E2F3: variants seen among roughly 807,000 people sequenced by gnomAD.
E2F3 encodes the protein E2F transcription factor 3.
A neutral mutation model predicts 44.4 loss-of-function variants in E2F3; 11 were observed. The observed-to-expected ratio is 0.25, with a 90% CI of 0.16 to 0.41. The LOEUF (loss-of-function observed/expected upper bound fraction) is 0.41. E2F3 is among the 10% of genes least tolerant of loss of function. E2F3 has a pLI of 1.00. For missense variants in E2F3, 487 were observed against 583.6 expected, an observed-to-expected ratio of 0.83 and a Z score of 1.70; for synonymous variants, 249 against 253.0, an observed-to-expected ratio of 0.98 and a Z score of 0.15.
chr6:20,492,161 AC>A lies in E2F3; in HGVS notation c.*1732del. ...AAATATCCCTTAGGAAAAAAAAAAA[AC>A]ACACAAAAAACCACAAGAGCCCCAG... On this transcript the variant is annotated 3_prime_UTR_variant, in exon 7 of 7. Coordinates refer to ENST00000346618, the MANE Select transcript of E2F3 (RefSeq NM_001949.5). 2 of 224,670 alleles carry A rather than the reference AC, an allele frequency of 8.9e-6. No individual in the cohort carries two copies. Among genetic ancestry groups the A allele is most frequent in the Non-Finnish European group, 1.8e-5 (2 of 112,722 alleles). 13.9% of individuals were successfully genotyped at this position (224,670 alleles called of 1,614,324 possible).
In E2F3 at chr6:20,435,974, CTTTTTTTTTT is replaced by C. The variant is rs68162662; in HGVS notation, c.393+33362_393+33371del. The stretch of plus-strand genomic sequence containing the variant: ...TAAGATCATACATTAAAGAATTGTC[CTTTTTTTTTT>C]TTTTTTTTTTTTCCAAGACAGAGTC... On this transcript the variant is annotated intron_variant, in intron 1 of 6. Transcript: ENST00000346618. 3.4e-3 allele frequency among the ~76,000 whole-genome samples: 475 copies of C among 140,488 alleles called. 3 individuals are homozygous for C. The highest frequency in any genetic ancestry group is 0.012 in the African/African-American group (396 of 33,842). 92.2% of individuals were successfully genotyped at this position (140,488 alleles called of 152,430 possible). A position where few individuals can be genotyped will look rare whatever the true frequency, so the allele number is the denominator to read the frequency against.
At chr6:20,433,553 A>G (rs1397428368) in intron 1 of E2F3, among the ~76,000 whole-genome samples, 1 of 152,206 alleles carries the variant, frequency 6.6e-6, no homozygotes, top group Non-Finnish European at 1.5e-5. Context: ...CACTTGTTGC[A>G]GCTGTCTTGA....
At chr6:20,431,670 C>A (rs1760405757) in intron 1 of E2F3, among the ~76,000 whole-genome samples, 1 of 152,098 alleles carries the variant, frequency 6.6e-6, no homozygotes, top group South Asian at 2.1e-4. Context: ...TGACCTTCTA[C>A]ACACACTCTT....
intron 6 of E2F3, among the ~76,000 whole-genome samples, chr6:20,489,185 A>G (rs1762486292): frequency 6.6e-6 from 1 of 152,230 alleles, no homozygotes; most frequent in African/African-American, 2.4e-5. Context: ...TTTAATACTG[A>G]GCAAAAGTAC....
chr6:20,438,549 G>A (rs567637315), intron 1 of E2F3, among the ~76,000 whole-genome samples: 84 of 152,244 alleles, frequency 5.5e-4, no homozygotes, highest in Middle Eastern at 3.4e-3. Context: ...AAGACCATAG[G>A]ATATTTAAAC....
At chr6:20,430,167 C>G (rs913563498) in intron 1 of E2F3, among the ~76,000 whole-genome samples, 6 of 152,140 alleles carry the variant, frequency 3.9e-5, no homozygotes, top group Non-Finnish European at 7.4e-5. Context: ...ATGCCAAGTT[C>G]AATTTGAATT....
At chr6:20,417,841 C>T (rs1223947859) in intron 1 of E2F3, among the ~76,000 whole-genome samples, 4 of 151,978 alleles carry the variant, frequency 2.6e-5, no homozygotes, top group South Asian at 2.1e-4. Context: ...AGTCCAGGTT[C>T]GTCTTGGTGG....
chr6:20,419,903 T>C (rs530118381), intron 1 of E2F3, among the ~76,000 whole-genome samples: 6 of 152,324 alleles, frequency 3.9e-5, no homozygotes, highest in Non-Finnish European at 8.8e-5. Flanking sequence ...TCTCATTCTG[T>C]TGCCCAGGCT....
chr6:20,435,571 T>G (rs1034306595), intron 1 of E2F3, among the ~76,000 whole-genome samples: 1 of 152,068 alleles, frequency 6.6e-6, no homozygotes, highest in Non-Finnish European at 1.5e-5. Context: ...GCCAACATGG[T>G]GAAACCCTGT....
chr6:20,470,615 T>G (rs1761857468), intron 1 of E2F3, among the ~76,000 whole-genome samples: 1 of 152,248 alleles, frequency 6.6e-6, no homozygotes, highest in Admixed American at 6.5e-5. Context: ...TTCATTTTCC[T>G]TCTTCCTTTG....
chr6:20,488,015 C>T (rs1349054363), intron 5 of E2F3, 98 bp from the exon 6 acceptor site: 16 of 1,540,758 alleles, frequency 1.0e-5, no homozygotes, highest in East Asian at 9.0e-5. Flanking sequence ...AAGTGAAAAA[C>T]GAACATTGTT....
chr6:20,403,048 T>G (rs1759362876), intron 1 of E2F3, among the ~76,000 whole-genome samples: 1 of 151,186 alleles, frequency 6.6e-6, no homozygotes, highest in Non-Finnish European at 1.5e-5. Flanking sequence ...TCTGAGGGGT[T>G]GAAACCGGGG....
chr6:20,448,480 C>T (rs1761021040), intron 1 of E2F3, among the ~76,000 whole-genome samples: 2 of 152,156 alleles, frequency 1.3e-5, no homozygotes, highest in African/African-American at 4.8e-5. Context: ...CACACACACA[C>T]ACAGCAGTTA....
chr6:20,440,114 T>TA (rs1760725375), intron 1 of E2F3: 5 of 152,194 alleles, frequency 3.3e-5, no homozygotes, highest in Admixed American at 2.6e-4. Context: ...GCACTCCACT[T>TA]ACTACATATC....
At chr6:20,410,837 G>A (rs1451840509) in intron 1 of E2F3, among the ~76,000 whole-genome samples, 1 of 152,180 alleles carries the variant, frequency 6.6e-6, no homozygotes, top group Non-Finnish European at 1.5e-5. Flanking sequence ...GGTCAGGCTG[G>A]TCTCGAACTC....
At chr6:20,453,905 G>A (rs1020843676) in intron 1 of E2F3, among the ~76,000 whole-genome samples, 28 of 152,188 alleles carry the variant, frequency 1.8e-4, no homozygotes, top group Admixed American at 1.6e-3. Context: ...TTTAACTCAA[G>A]ACAGCTCTTC....
At chr6:20,404,894 C>T (rs1759442372) in intron 1 of E2F3, among the ~76,000 whole-genome samples, 1 of 152,166 alleles carries the variant, frequency 6.6e-6, no homozygotes, top group Non-Finnish European at 1.5e-5. Flanking sequence ...ATATTTTAAG[C>T]ATATTTGACC....
At chr6:20,463,856 A>C (rs1467449619) in intron 1 of E2F3, among the ~76,000 whole-genome samples, 3 of 152,082 alleles carry the variant, frequency 2.0e-5, no homozygotes, top group Admixed American at 6.6e-5. Flanking sequence ...CCCACTTCCA[A>C]TGCCAGTCGC....
At chr6:20,481,105 G>T in intron 2 of E2F3, 101 bp from the exon 3 acceptor site, 2 of 1,042,528 alleles carry the variant, frequency 1.9e-6, no homozygotes, top group Non-Finnish European at 2.8e-6. Flanking sequence ...CTAATACTTT[G>T]GCTGCAGTGG....
Sources: allele counts gnomAD v4.1 joint callset (sites outside exome capture counted in the v4.1 genomes callset), GRCh38; gene constraint gnomAD v4.1.1; transcripts MANE v1.5; gene names NCBI Gene and HGNC (gene_info 2026-07-23, HGNC 2026-07-21).